Variants in CTIF observed in about 807,000 individuals in gnomAD.
CTIF encodes cap binding complex dependent translation initiation factor.
A neutral mutation model predicts 66.0 loss-of-function variants in CTIF; 21 were observed. The ratio of observed to expected loss-of-function variants is 0.32; its 90% CI spans 0.23 to 0.46. The LOEUF (loss-of-function observed/expected upper bound fraction) is 0.46, where lower values mean the gene tolerates loss of function less well. Among genes scored for constraint, CTIF ranks in the 20% least tolerant of loss-of-function variants. The pLI, the probability that CTIF is intolerant of heterozygous loss-of-function variation, is 1.00. For synonymous variants in CTIF, 345 were observed against 326.4 expected (o/e 1.06, Z -0.62); for missense variants, 739 against 812.7 (o/e 0.91, Z 1.10).
In CTIF at chr18:48,633,497, T is replaced by A. The variant is rs148718637; in HGVS notation, c.181-3117T>A. Among the ~76,000 whole-genome samples, 869 of 151,814 alleles carry A rather than the reference T, an allele frequency of 5.7e-3. 10 individuals carry two copies. The highest frequency in any genetic ancestry group is 0.02 in the African/African-American group (824 of 41,360). ...TGGGTGGATCACCTGAGGTCAGGAGTTTGAAACCAGGCTGGCCAACATGGT... is the reference window on the plus strand; with the variant it reads ...TGGGTGGATCACCTGAGGTCAGGAGATTGAAACCAGGCTGGCCAACATGGT... On this transcript the variant is annotated intron_variant, in intron 2 of 11. Transcript: ENST00000256413.
At chr18:48,732,239 G>T (rs1047238689) in intron 7 of CTIF, among the ~76,000 whole-genome samples, 2 of 152,216 alleles carry the variant, frequency 1.3e-5, no homozygotes, top group African/African-American at 2.4e-5. Flanking sequence ...CTTGCCAGAG[G>T]CTGCCACGGG....
intron 1 of CTIF, among the ~76,000 whole-genome samples, chr18:48,577,833 C>T (rs902103540): frequency 7.9e-5 from 12 of 152,216 alleles, no homozygotes; most frequent in Admixed American, 1.3e-4. Context: ...TCTGGGCCTC[C>T]CAGAGTGCTG....
chr18:48,626,458 C>T (rs2090600597), intron 2 of CTIF, among the ~76,000 whole-genome samples: 1 of 152,086 alleles, frequency 6.6e-6, no homozygotes, highest in South Asian at 2.1e-4. Flanking sequence ...AGTGATTCTC[C>T]TGCCTCAGCC....
chr18:48,798,427 C>T (rs1469165907), intron 9 of CTIF, among the ~76,000 whole-genome samples: 1 of 152,182 alleles, frequency 6.6e-6, no homozygotes, highest in South Asian at 2.1e-4. Context: ...GAAAACCATG[C>T]TTCCCTATCT....
chr18:48,668,140 C>T (rs903718576), intron 5 of CTIF, among the ~76,000 whole-genome samples: 1 of 152,280 alleles, frequency 6.6e-6, no homozygotes, highest in Non-Finnish European at 1.5e-5. Context: ...CGTGGGACAG[C>T]AGCCCTCCCT....
intron 10 of CTIF, among the ~76,000 whole-genome samples, chr18:48,830,605 G>C (rs1033164990): frequency 6.6e-6 from 1 of 152,206 alleles, no homozygotes; most frequent in Admixed American, 6.5e-5. Flanking sequence ...AAACTGAAGT[G>C]CTGCTTACTG....
At chr18:48,707,396 G>A (rs181945405) in intron 6 of CTIF, among the ~76,000 whole-genome samples, 24 of 152,258 alleles carry the variant, frequency 1.6e-4, no homozygotes, top group South Asian at 6.2e-4. Context: ...TCCTGTCATT[G>A]GGTGCCACTT....
intron 1 of CTIF, among the ~76,000 whole-genome samples, chr18:48,559,359 C>G (rs1028972924): frequency 1.3e-5 from 2 of 152,024 alleles, no homozygotes; most frequent in Admixed American, 1.3e-4. Context: ...TCCTACCACC[C>G]CCCCCAATCC....
intron 5 of CTIF, among the ~76,000 whole-genome samples, chr18:48,669,548 G>A (rs1219347560): frequency 6.6e-6 from 1 of 151,692 alleles, no homozygotes; most frequent in Non-Finnish European, 1.5e-5. Flanking sequence ...CAGAATCTGT[G>A]TCCTTAATTA....
chr18:48,655,338 G>A (rs552668892), intron 3 of CTIF, among the ~76,000 whole-genome samples: 4 of 150,972 alleles, frequency 2.6e-5, no homozygotes, highest in Non-Finnish European at 4.4e-5. Context: ...AAAAAAAGCC[G>A]GAGTGACTGA....
At chr18:48,811,564 C>A (rs2068258999) in intron 9 of CTIF, among the ~76,000 whole-genome samples, 2 of 152,290 alleles carry the variant, frequency 1.3e-5, no homozygotes, top group South Asian at 2.1e-4. Flanking sequence ...CCCCCCATGT[C>A]CCCTGCTCCC....
intron 10 of CTIF, among the ~76,000 whole-genome samples, chr18:48,839,458 C>T (rs979792400): frequency 6.6e-6 from 1 of 152,196 alleles, no homozygotes; most frequent in Non-Finnish European, 1.5e-5. Context: ...CACCACTGAC[C>T]GAGCTCACTG....
At chr18:48,787,835 C>G (rs1490748122) in intron 9 of CTIF, among the ~76,000 whole-genome samples, 2 of 152,204 alleles carry the variant, frequency 1.3e-5, no homozygotes. Flanking sequence ...GCTCCTCACC[C>G]AGTTCCCCAG....
In CTIF at chr18:48,859,802, T is replaced by C. The variant is rs781471344; in HGVS notation, c.*243T>C. 9.0e-6 allele frequency: 6 copies of C among 669,470 alleles called. No individual in the cohort carries two copies. The South Asian group carries it at 9.0e-5, about 10-fold the overall frequency. The allele number at this position is 669,470 out of a possible 1,614,324, so 41.5% of individuals were successfully genotyped here. On this transcript the variant is annotated 3_prime_UTR_variant, in exon 12 of 12. Coordinates refer to ENST00000256413, the MANE Select transcript of CTIF (RefSeq NM_014772.3). The stretch of plus-strand genomic sequence containing the variant: ...CACCAATAAGGGAAGCATGTTTCTT[T>C]TTCCTGGTGGCCCTGGCCCTCCCCT...
At chr18:48,744,809 GTTCT>G (rs1398141517) in intron 7 of CTIF, among the ~76,000 whole-genome samples, 182 of 151,870 alleles carry the variant, frequency 1.2e-3, no homozygotes, top group African/African-American at 4.3e-3. Flanking sequence ...TCCTGGGGCA[GTTCT>G]TTCTTCTTCT....
chr18:48,784,496 A>T (rs1051392408), intron 9 of CTIF, among the ~76,000 whole-genome samples: 12 of 152,286 alleles, frequency 7.9e-5, no homozygotes, highest in Non-Finnish European at 1.8e-4. Context: ...CGGAGGGACC[A>T]TACCCTTTGG....
intron 6 of CTIF, among the ~76,000 whole-genome samples, chr18:48,696,341 A>G (rs2092007896): frequency 6.6e-6 from 1 of 152,132 alleles, no homozygotes; most frequent in African/African-American, 2.4e-5. Flanking sequence ...AGTAGAGGCC[A>G]TTGGATGGGA....
At chr18:48,824,831 G>A (rs1442455202) in intron 10 of CTIF, among the ~76,000 whole-genome samples, 1 of 152,042 alleles carries the variant, frequency 6.6e-6, no homozygotes, top group Admixed American at 6.5e-5. Flanking sequence ...TGGTAGAGAC[G>A]GGGTTTCGCC....
intron 2 of CTIF, among the ~76,000 whole-genome samples, chr18:48,622,291 C>T (rs1342962689): frequency 1.3e-5 from 2 of 151,704 alleles, no homozygotes; most frequent in Non-Finnish European, 2.9e-5. Flanking sequence ...GGGGGTGTGG[C>T]GTGTGTCCAG....
Sources: allele counts gnomAD v4.1 joint callset (sites outside exome capture counted in the v4.1 genomes callset), GRCh38; gene constraint gnomAD v4.1.1; transcripts MANE v1.5; gene names NCBI Gene and HGNC (gene_info 2026-07-23, HGNC 2026-07-21).